The following MPP4 variants were observed in gnomAD, a reference collection of about 807,000 sequenced individuals.
MPP4 encodes MAGUK p55 scaffold protein 4.
A neutral mutation model predicts 98.3 loss-of-function variants in MPP4; 91 were observed. That is an observed-to-expected ratio of 0.93 (90% CI 0.78 to 1.10). The LOEUF is 1.10. MPP4 is among the 50% of genes least tolerant of loss of function. The probability of loss-of-function intolerance (pLI) is 0.00; values close to 1 mark genes in which losing one functional copy is unlikely to be tolerated. For missense variants in MPP4, 744 were observed against 792.9 expected (o/e 0.94, Z 0.74); for synonymous variants, 261 against 271.8 (o/e 0.96, Z 0.39).
At chr2:201,651,156 G>A in intron 18 of MPP4, 10 of 985,330 alleles carry the variant, frequency 1.0e-5, no homozygotes, top group Non-Finnish European at 1.2e-5. Context: ...CAAAGTTTAA[G>A]GATGAAATAG....
At chr2:201,654,794 T>G in intron 18 of MPP4, 43 bp downstream of exon 18, 5 of 1,466,922 alleles carry the variant, frequency 3.4e-6, no homozygotes, top group Non-Finnish European at 4.7e-6. Flanking sequence ...CAAAGAAAGT[T>G]TTACCAAAAC....
At chr2:201,689,928 G>A (rs1015319107) in intron 4 of MPP4, among the ~76,000 whole-genome samples, 1 of 152,100 alleles carries the variant, frequency 6.6e-6, no homozygotes, top group African/African-American at 2.4e-5. Context: ...ACATTACCCT[G>A]TTTATGAAGG....
At chr2:201,668,865 T>C (rs1352543879) in intron 12 of MPP4, among the ~76,000 whole-genome samples, 1 of 152,108 alleles carries the variant, frequency 6.6e-6, no homozygotes, top group Non-Finnish European at 1.5e-5. Flanking sequence ...GCAGGCACCC[T>C]GGACTTGCCC....
intron 14 of MPP4, among the ~76,000 whole-genome samples, chr2:201,663,121 G>C (rs188045445): frequency 2.4e-3 from 361 of 152,342 alleles, no homozygotes; most frequent in Admixed American, 3.7e-3. Flanking sequence ...CCTGCATTCT[G>C]TTTGAATGTC....
chr2:201,674,784 C>T (rs1401775011), intron 11 of MPP4, among the ~76,000 whole-genome samples: 2 of 152,098 alleles, frequency 1.3e-5, no homozygotes, highest in Non-Finnish European at 2.9e-5. Context: ...TATGCAATTT[C>T]CCCAATAATT....
chr2:201,652,089 C>A (rs943036044), intron 18 of MPP4: 2 of 837,186 alleles, frequency 2.4e-6, no homozygotes, highest in South Asian at 5.4e-5. Flanking sequence ...CTATAGCATG[C>A]GATCATAAAG....
In MPP4 at chr2:201,660,274, C is replaced by T. The variant is rs568877166; in HGVS notation, c.1087+58G>A. On this transcript the variant is annotated intron_variant, in intron 15 of 21. Transcript: ENST00000409474. ...TCCAGTCAAGTATTCATTTTTGAGG[C>T]ACTGAAAGATCTTAAACATAGTTCT... 194 of 1,422,290 alleles carry T rather than the reference C, an allele frequency of 1.4e-4. No individual in the cohort carries two copies. In the South Asian group the frequency reaches 2.2e-3, roughly 16 times the overall value. 88.1% of individuals were successfully genotyped at this position (1,422,290 alleles called of 1,614,324 possible).
intron 21 of MPP4, 135 bp from the exon 22 acceptor site, chr2:201,645,539 G>C (rs1360738929): frequency 5.2e-6 from 3 of 581,372 alleles, no homozygotes; most frequent in South Asian, 4.3e-5. Flanking sequence ...TTGCACAGAT[G>C]ATTTTCAATA....
chr2:201,681,603 G>T, intron 8 of MPP4, 36 bp from the exon 9 acceptor site: 1 of 1,551,944 alleles, frequency 6.4e-7, no homozygotes, highest in South Asian at 1.1e-5. Context: ...TGACAATCAT[G>T]GAGCTAGCAG....
chr2:201,662,290 G>C (rs1302629233), intron 14 of MPP4, among the ~76,000 whole-genome samples: 1 of 149,868 alleles, frequency 6.7e-6, no homozygotes, highest in Non-Finnish European at 1.5e-5. Flanking sequence ...GATCACTTGA[G>C]ATCAGGAGTT....
chr2:201,664,135 GT>G, intron 13 of MPP4, 34 bp from the exon 14 acceptor site: 1 of 1,528,012 alleles, frequency 6.5e-7, no homozygotes, highest in Non-Finnish European at 8.8e-7. Context: ...AATCAAAAAT[GT>G]TATTACATGA....
intron 5 of MPP4, 55 bp from the exon 6 acceptor site, chr2:201,686,105 T>A: frequency 1.3e-6 from 2 of 1,587,774 alleles, no homozygotes; most frequent in Non-Finnish European, 1.7e-6. Context: ...CAAACCCCTC[T>A]AGAAGATAGT....
chr2:201,681,103 T>C, intron 9 of MPP4, 69 bp from the exon 10 acceptor site: 3 of 1,478,412 alleles, frequency 2.0e-6, no homozygotes, highest in Non-Finnish European at 2.8e-6. Context: ...CCCTTGCCCA[T>C]GGGCCATCAT....
intron 10 of MPP4, among the ~76,000 whole-genome samples, chr2:201,677,390 G>C (rs1202163946): frequency 6.6e-6 from 1 of 152,156 alleles, no homozygotes; most frequent in Non-Finnish European, 1.5e-5. Flanking sequence ...ATTTGCAATA[G>C]AGTCATTCCA....
intron 3 of MPP4, among the ~76,000 whole-genome samples, chr2:201,691,544 GTC>G (rs996945774): frequency 3.3e-5 from 5 of 152,120 alleles, no homozygotes; most frequent in South Asian, 2.1e-4. Flanking sequence ...TTGAGATGGA[GTC>G]TCTCTCTGTC....
chr2:201,659,018 C>T (rs1395579099), intron 15 of MPP4, among the ~76,000 whole-genome samples: 1 of 152,138 alleles, frequency 6.6e-6, no homozygotes, highest in Non-Finnish European at 1.5e-5. Context: ...GCCTCAGCCT[C>T]CCGAGTTGCT....
At chr2:201,694,398 G>C (rs1022812419) in intron 1 of MPP4, among the ~76,000 whole-genome samples, 1 of 152,044 alleles carries the variant, frequency 6.6e-6, no homozygotes, top group Non-Finnish European at 1.5e-5. Flanking sequence ...CTCCACTCAG[G>C]TGCCCCATTT....
chr2:201,664,915 T>C (rs1164057650), intron 13 of MPP4: 1 of 166,882 alleles, frequency 6.0e-6, no homozygotes, highest in African/African-American at 2.4e-5. Flanking sequence ...TGTGCTAAGA[T>C]AGAGTCACCT....
At chr2:201,650,657 C>T (rs766231376) in intron 18 of MPP4, 19 of 985,160 alleles carry the variant, frequency 1.9e-5, no homozygotes, top group Non-Finnish European at 2.3e-5. Flanking sequence ...TGATGAAAAG[C>T]GAAGTTGAAA....
Sources: gnomAD v4.1 joint callset for allele counts (sites outside exome capture counted in the v4.1 genomes callset) on GRCh38, gnomAD v4.1.1 for gene constraint, MANE v1.5 for transcripts, NCBI Gene and HGNC (gene_info 2026-07-23, HGNC 2026-07-21) for gene names.